The following ADAMTS18 variants were observed in gnomAD, a reference collection of about 807,000 sequenced individuals.
The protein encoded by ADAMTS18 is ADAM metallopeptidase with thrombospondin type 1 motif 18, also known as A disintegrin and metalloproteinase with thrombospondin motifs 18.
Under a neutral mutation model 165.9 loss-of-function variants are expected in ADAMTS18, and 157 were observed. That is an observed-to-expected ratio of 0.95 (90% CI 0.83 to 1.08). The LOEUF (loss-of-function observed/expected upper bound fraction) is 1.08. Among genes scored for constraint, ADAMTS18 ranks in the 50% least tolerant of loss-of-function variants. The pLI, the probability that ADAMTS18 is intolerant of heterozygous loss-of-function variation, is 0.00. For missense variants in ADAMTS18, 2,040 were observed against 1,534.0 expected (o/e 1.33, Z -5.51); for synonymous variants, 782 against 578.2 (o/e 1.35, Z -5.06).
chr16:77,320,067 C>T lies in ADAMTS18; in HGVS notation c.2314G>A (p.Ala772Thr). The change falls in exon 16 of 23, where the codon GCT becomes ACT. Residue 772 changes from alanine (A) to threonine (T), a missense_variant. By Grantham distance (58) the Ala-to-Thr change is moderately conservative. Coordinates refer to ENST00000282849, the MANE Select transcript of ADAMTS18 (RefSeq NM_199355.4). ...NEYYPVVLIP[A>T]GARSIEIQEL... ...TGGATTTCGATGCTTCGGGCGCCAG[C>T]TGGAATGAGGACCACCGGATAATAT... 6.2e-7 allele frequency: 1 copy of T among 1,613,818 alleles called. No homozygotes were observed. Among genetic ancestry groups the T allele is most frequent in the Non-Finnish European group, 8.5e-7 (1 of 1,179,964 alleles).
In ADAMTS18 at chr16:77,314,649, G is replaced by GTGTGTGTGTGTGTGTGTA. The variant is rs10527824; in HGVS notation, c.2532+5199_2532+5200insTACACACACACACACACA. Among the ~76,000 whole-genome samples, 13 of 126,500 alleles carry GTGTGTGTGTGTGTGTGTA rather than the reference G, an allele frequency of 1.0e-4. 1 individual carries two copies. In the South Asian group the frequency reaches 1.7e-3, roughly 17 times the overall value. 83.0% of individuals were successfully genotyped at this position (126,500 alleles called of 152,430 possible). A position where few individuals can be genotyped will look rare whatever the true frequency, so the allele number is the denominator to read the frequency against. ...AATGTGTGTGTATGTGTGTGTGTGT[G>GTGTGTGTGTGTGTGTGTA]TATATATATATATGTACATATATAC... On this transcript the variant is annotated intron_variant, in intron 16 of 22. Coordinates refer to ENST00000282849, the MANE Select transcript of ADAMTS18 (RefSeq NM_199355.4).
chr16:77,304,861 T>C (rs1009173559), intron 16 of ADAMTS18, among the ~76,000 whole-genome samples: 7 of 152,260 alleles, frequency 4.6e-5, no homozygotes, highest in African/African-American at 1.4e-4. Flanking sequence ...GCATATTGTT[T>C]ATAGTTTATT....
intron 3 of ADAMTS18, among the ~76,000 whole-genome samples, chr16:77,391,435 T>G (rs2057185236): frequency 6.7e-6 from 1 of 148,650 alleles, no homozygotes; most frequent in African/African-American, 2.5e-5. Context: ...AAGTTGCAGT[T>G]AAGTCGAGAT....
At chr16:77,313,089 A>G (rs1283915317) in intron 16 of ADAMTS18, among the ~76,000 whole-genome samples, 1 of 144,976 alleles carries the variant, frequency 6.9e-6, no homozygotes, top group Non-Finnish European at 1.5e-5. Context: ...TGTGGCACAT[A>G]TGCACCATGG....
At chr16:77,427,345 G>A (rs1456722048) in intron 3 of ADAMTS18, among the ~76,000 whole-genome samples, 1 of 152,118 alleles carries the variant, frequency 6.6e-6, no homozygotes, top group East Asian at 1.9e-4. Flanking sequence ...TTGTTCTGTT[G>A]GAAGACAAAA....
chr16:77,283,670 G>T lies in ADAMTS18; in HGVS notation c.*286C>A, dbSNP rs58328236. ...TCTCTCCCCAAATCGACGTATCTCA[G>T]TGTGATTCACCACTTCTTGCATATA... On this transcript the variant is annotated 3_prime_UTR_variant, in exon 23 of 23. Transcript: ENST00000282849. 6.1e-4 allele frequency: 237 copies of T among 391,168 alleles called. 2 individuals are homozygous for T. The highest frequency in any genetic ancestry group is 4.5e-3 in the African/African-American group (217 of 48,718). 24.2% of individuals were successfully genotyped at this position (391,168 alleles called of 1,614,324 possible). A position where few individuals can be genotyped will look rare whatever the true frequency, so the allele number is the denominator to read the frequency against.
At chr16:77,334,779 G>A (rs1485891593) in intron 12 of ADAMTS18, among the ~76,000 whole-genome samples, 1 of 99,232 alleles carries the variant, frequency 1.0e-5, no homozygotes. Context: ...ATATACTATA[G>A]TATACAGTAA....
chr16:77,320,331 A>G (rs1272740826), intron 15 of ADAMTS18, among the ~76,000 whole-genome samples: 2 of 152,190 alleles, frequency 1.3e-5, no homozygotes, highest in Non-Finnish European at 2.9e-5. Flanking sequence ...TCTGTGGAGA[A>G]CAAATACACT....
At chr16:77,366,605 TG>T (rs2056798526) in intron 4 of ADAMTS18, among the ~76,000 whole-genome samples, 1 of 152,054 alleles carries the variant, frequency 6.6e-6, no homozygotes, top group Admixed American at 6.6e-5. Flanking sequence ...AAAAAGAAAA[TG>T]TTTTAAATGT....
chr16:77,379,407 T>C (rs2144767380), intron 3 of ADAMTS18, among the ~76,000 whole-genome samples: 1 of 152,306 alleles, frequency 6.6e-6, no homozygotes, highest in Non-Finnish European at 1.5e-5. Context: ...CTAAGCAAAG[T>C]GGACTTTATG....
At chr16:77,330,659 T>A (rs1336145882) in intron 12 of ADAMTS18, among the ~76,000 whole-genome samples, 1 of 152,208 alleles carries the variant, frequency 6.6e-6, no homozygotes, top group East Asian at 1.9e-4. Context: ...ATTTACCACT[T>A]ACATGGGACA....
chr16:77,312,054 G>A lies in ADAMTS18; in HGVS notation c.2532+7795C>T, dbSNP rs534875078. ...TCCAATTGAACCTGGGGAAGACTTC[G>A]TTTTTATGATTTTATTTAGATCTAC... On this transcript the variant is annotated intron_variant, in intron 16 of 22. Transcript: ENST00000282849. Among the ~76,000 whole-genome samples, 8 of 152,012 alleles carry A rather than the reference G, an allele frequency of 5.3e-5. No homozygotes were observed. The East Asian group carries it at 5.8e-4, about 11-fold the overall frequency.
chr16:77,311,670 A>G (rs2055782213), intron 16 of ADAMTS18, among the ~76,000 whole-genome samples: 1 of 151,270 alleles, frequency 6.6e-6, no homozygotes, highest in Middle Eastern at 3.5e-3. Flanking sequence ...ATTTGAAAAG[A>G]TATCATAGAC....
intron 9 of ADAMTS18, among the ~76,000 whole-genome samples, chr16:77,355,243 T>G (rs1277133666): frequency 6.6e-6 from 1 of 151,374 alleles, no homozygotes; most frequent in South Asian, 2.1e-4. Flanking sequence ...TATTTCAACT[T>G]TGGGTTAATT....
chr16:77,360,479 C>A (rs1423309788), intron 7 of ADAMTS18, among the ~76,000 whole-genome samples: 1 of 151,802 alleles, frequency 6.6e-6, no homozygotes, highest in Non-Finnish European at 1.5e-5. Flanking sequence ...ACCTTTTCCA[C>A]AGTTGATAGA....
chr16:77,379,874 A>T (rs915418284), intron 3 of ADAMTS18, among the ~76,000 whole-genome samples: 12 of 152,122 alleles, frequency 7.9e-5, no homozygotes, highest in Non-Finnish European at 7.4e-5. Context: ...ACAGATGTTC[A>T]CTGAGTCCTC....
intron 3 of ADAMTS18, among the ~76,000 whole-genome samples, chr16:77,369,526 T>A (rs1458395727): frequency 1.3e-5 from 2 of 152,144 alleles, no homozygotes; most frequent in Admixed American, 6.6e-5. Context: ...ACAAACACAG[T>A]CTACCAAAAC....
intron 17 of ADAMTS18, among the ~76,000 whole-genome samples, chr16:77,298,042 A>G (rs1481402450): frequency 6.8e-6 from 1 of 147,198 alleles, no homozygotes; most frequent in Non-Finnish European, 1.5e-5. Flanking sequence ...CTCCTGCCTC[A>G]GCCTCCCAGA....
At position 77,314,649 on chromosome 16, in the gene ADAMTS18, G is replaced by GTGTGTA. The variant is rs10527824; in HGVS notation, c.2532+5199_2532+5200insTACACA. Among the ~76,000 whole-genome samples the GTGTGTA allele has an allele frequency of 5.1e-3, 648 of 126,434 alleles. 10 individuals are homozygous for GTGTGTA. The highest frequency in any genetic ancestry group is 7.4e-3 in the Admixed American group (90 of 12,226). The allele number at this position is 126,434 out of a possible 152,430, so 82.9% of individuals were successfully genotyped here. ...AATGTGTGTGTATGTGTGTGTGTGT[G>GTGTGTA]TATATATATATATGTACATATATAC... On this transcript the variant is annotated intron_variant, in intron 16 of 22. Transcript: ENST00000282849.
Sources: gnomAD v4.1 joint callset for allele counts (sites outside exome capture counted in the v4.1 genomes callset) on GRCh38, gnomAD v4.1.1 for gene constraint, MANE v1.5 for transcripts, NCBI Gene and HGNC (gene_info 2026-07-23, HGNC 2026-07-21) for gene names.